The following ATXN10 variants were observed in gnomAD, a reference collection of about 807,000 sequenced individuals.
ATXN10 encodes the protein ataxin-10.
ATXN10 carries 28 observed loss-of-function variants against 52.9 expected under a neutral mutation model. The ratio of observed to expected loss-of-function variants is 0.53; its 90% CI spans 0.39 to 0.73. ATXN10 has a LOEUF of 0.73. ATXN10 is among the 30% of genes least tolerant of loss of function. The probability of loss-of-function intolerance (pLI) is 0.00; values close to 1 mark genes in which losing one functional copy is unlikely to be tolerated. For missense variants in ATXN10, 565 were observed against 577.0 expected (o/e 0.98, Z 0.21); for synonymous variants, 226 against 221.5 (o/e 1.02, Z -0.18).
chr22:45,737,828 AGCTG>A (rs1242341908), intron 7 of ATXN10, among the ~76,000 whole-genome samples: 1 of 150,720 alleles, frequency 6.6e-6, no homozygotes, highest in Admixed American at 6.7e-5. Flanking sequence ...CCTCCCTAGT[AGCTG>A]GGATTACAGG....
At position 45,823,930 on chromosome 22, in the gene ATXN10, C is replaced by T. The variant is rs916174180; in HGVS notation, c.1237+16908C>T. On this transcript the variant is annotated intron_variant, in intron 10 of 11. Coordinates refer to ENST00000252934, the MANE Select transcript of ATXN10 (RefSeq NM_013236.4). The surrounding 1 kb of genome is among the most constrained non-coding windows in gnomAD (Gnocchi z 4.9). Reference sequence around the variant, plus strand: ...ACTCTGTGCCCTCAGCATCTTGTGACGTGCCCTTGCTGGGTCTGTCGCTTG... The same window carrying T: ...ACTCTGTGCCCTCAGCATCTTGTGATGTGCCCTTGCTGGGTCTGTCGCTTG... 1.3e-5 allele frequency among the ~76,000 whole-genome samples: 2 copies of T among 152,232 alleles called. No homozygotes were observed. The highest frequency in any genetic ancestry group is 2.9e-5 in the Non-Finnish European group (2 of 68,046).
At chr22:45,799,617 A>G (rs1222290665) in intron 9 of ATXN10, among the ~76,000 whole-genome samples, 2 of 152,328 alleles carry the variant, frequency 1.3e-5, no homozygotes, top group East Asian at 1.9e-4. Context: ...ATTCTCCTTC[A>G]TAGTCCTCAG....
chr22:45,734,869 ATAT>A lies in ATXN10; in HGVS notation c.895-3833_895-3831del, dbSNP rs10625108. Among the ~76,000 whole-genome samples, 826 of 142,360 alleles carry A rather than the reference ATAT, an allele frequency of 5.8e-3. 4 individuals are homozygous for A. The highest frequency in any genetic ancestry group is 0.01 in the African/African-American group (383 of 38,214). 93.4% of individuals were successfully genotyped at this position (142,360 alleles called of 152,430 possible). A position where few individuals can be genotyped will look rare whatever the true frequency, so the allele number is the denominator to read the frequency against. On this transcript the variant is annotated intron_variant, in intron 7 of 11. Transcript: ENST00000252934. ...GCCCTTCTTTTTCTTGAAATGGGTT[ATAT>A]TATTATTATTATTATTATTATTATT...
At chr22:45,776,975 G>A (rs135990) in intron 9 of ATXN10, among the ~76,000 whole-genome samples, 122,832 of 152,196 alleles carry the variant, frequency 0.81, 49,868 homozygotes, top group African/African-American at 0.9. Flanking sequence ...AACTTTTTGA[G>A]GCAAATAATA....
At chr22:45,693,873 C>T (rs182736573) in intron 3 of ATXN10, among the ~76,000 whole-genome samples, 9 of 152,232 alleles carry the variant, frequency 5.9e-5, no homozygotes, top group African/African-American at 1.9e-4. Flanking sequence ...TCAGCCCTCT[C>T]GACACCTTGA....
intron 9 of ATXN10, among the ~76,000 whole-genome samples, chr22:45,753,521 T>C (rs1459170728): frequency 6.7e-6 from 1 of 149,782 alleles, no homozygotes; most frequent in Non-Finnish European, 1.5e-5. Context: ...TTCTCTTGCC[T>C]CCGCCTTCCT....
At chr22:45,761,606 G>A (rs1926393714) in intron 9 of ATXN10, among the ~76,000 whole-genome samples, 1 of 152,088 alleles carries the variant, frequency 6.6e-6, no homozygotes, top group African/African-American at 2.4e-5. Context: ...CAAATGTAAC[G>A]AAGCATTATA....
intron 9 of ATXN10, among the ~76,000 whole-genome samples, chr22:45,797,194 G>A (rs982198977): frequency 2.0e-5 from 3 of 152,170 alleles, no homozygotes. Context: ...GAGGAATATG[G>A]AAAACTGGAA....
rs945900272 is a variant in ATXN10 at position 45,807,174 on chromosome 22, G to A, written c.1237+152G>A. The A allele has an allele frequency of 4.1e-6, 3 of 735,628 alleles. No homozygotes were observed. In the African/African-American group the frequency reaches 5.2e-5, roughly 13 times the overall value. The allele number at this position is 735,628 out of a possible 1,614,324, so 45.6% of individuals were successfully genotyped here. On this transcript the variant is annotated intron_variant, in intron 10 of 11. Coordinates refer to ENST00000252934, the MANE Select transcript of ATXN10 (RefSeq NM_013236.4). ...AACCAAATCATTTTCTCAGAGTTAT[G>A]GTGCTAGAATATCATTTCTGTAACC...
intron 9 of ATXN10, among the ~76,000 whole-genome samples, chr22:45,779,004 G>T (rs1489000619): frequency 6.6e-6 from 1 of 152,116 alleles, no homozygotes; most frequent in African/African-American, 2.4e-5. Context: ...AAATAATTTT[G>T]CTGTGTTCCT....
At chr22:45,792,627 A>C (rs1200392167) in intron 9 of ATXN10, 1 of 243,502 alleles carries the variant, frequency 4.1e-6, no homozygotes, top group Non-Finnish European at 8.5e-6. Context: ...TAGTTCACGT[A>C]TGTGAGAAGT....
At chr22:45,803,329 T>G (rs1927988759) in intron 9 of ATXN10, among the ~76,000 whole-genome samples, 1 of 152,220 alleles carries the variant, frequency 6.6e-6, no homozygotes, top group Non-Finnish European at 1.5e-5. Context: ...ATCTTCCAGC[T>G]TTTGCACATA....
chr22:45,698,153 G>T (rs185646286), intron 3 of ATXN10, among the ~76,000 whole-genome samples: 1 of 151,998 alleles, frequency 6.6e-6, no homozygotes, highest in African/African-American at 2.4e-5. Context: ...TTTCTTTTGG[G>T]TGTATACCTA....
At position 45,824,190 on chromosome 22, in the gene ATXN10, CCCACACTG is replaced by C. The variant is rs1293862089; in HGVS notation, c.1237+17171_1237+17178del. On this transcript the variant is annotated intron_variant, in intron 10 of 11. Transcript: ENST00000252934. This position sits in a 1 kb window ranked among gnomAD's most constrained non-coding sequence, Gnocchi z 5.2. ...CACTCTGGCCACCCTCTTCTAATAT[CCCACACTG>C]CCCCTGCAGCTCACAGAGACCTGCA... Among the ~76,000 whole-genome samples the C allele has an allele frequency of 1.3e-5, 2 of 152,092 alleles. No homozygotes were observed. Among genetic ancestry groups the C allele is most frequent in the African/African-American group, 4.8e-5 (2 of 41,414 alleles).
intron 9 of ATXN10, among the ~76,000 whole-genome samples, chr22:45,773,384 G>A (rs1926840626): frequency 6.6e-6 from 1 of 151,730 alleles, no homozygotes; most frequent in Non-Finnish European, 1.5e-5. Flanking sequence ...TGATGTCCCT[G>A]CCTGCCTTCT....
At chr22:45,707,982 A>G (rs1924106439) in intron 5 of ATXN10, among the ~76,000 whole-genome samples, 1 of 152,204 alleles carries the variant, frequency 6.6e-6, no homozygotes, top group Admixed American at 6.5e-5. Context: ...ACATGGTCTT[A>G]GAATTCATGG....
intron 9 of ATXN10, among the ~76,000 whole-genome samples, chr22:45,749,767 T>G (rs1925877247): frequency 6.6e-6 from 1 of 152,078 alleles, no homozygotes; most frequent in Admixed American, 6.5e-5. Flanking sequence ...GGTCTTACTG[T>G]GTTGCCCAGG....
Position 45,756,804 on chromosome 22 carries a change from A to G in ATXN10, c.1173+16266A>G, listed in dbSNP as rs144820094. Among the ~76,000 whole-genome samples, 721 of 152,328 alleles carry G rather than the reference A, an allele frequency of 4.7e-3. 6 individuals carry two copies. Among genetic ancestry groups the G allele is most frequent in the South Asian group, 9.3e-3 (45 of 4,820 alleles). ...TGAATAATTGGTTTAATGTGAGACT[A>G]CTTTCTGGGAATGATTCATTGGTAT... On this transcript the variant is annotated intron_variant, in intron 9 of 11. Transcript: ENST00000252934.
chr22:45,746,056 A>C (rs1211057146), intron 9 of ATXN10, among the ~76,000 whole-genome samples: 2 of 152,120 alleles, frequency 1.3e-5, no homozygotes. Flanking sequence ...CAAATCATAT[A>C]TATTTTAGAT....
Sources: gnomAD v4.1 joint callset for allele counts (sites outside exome capture counted in the v4.1 genomes callset) on GRCh38, gnomAD v4.1.1 for gene constraint, Gnocchi (gnomAD v3.1) non-coding constraint, MANE v1.5 for transcripts, NCBI Gene and HGNC (gene_info 2026-07-23, HGNC 2026-07-21) for gene names.